Variants in PDE1C observed in about 807,000 individuals in gnomAD.
PDE1C encodes the protein dual specificity calcium/calmodulin-dependent 3',5'-cyclic nucleotide phosphodiesterase 1C.
PDE1C carries 62 observed loss-of-function variants against 93.1 expected under a neutral mutation model. That is an observed-to-expected ratio of 0.67 (90% confidence interval 0.54 to 0.82). The LOEUF is 0.82. Ranked by LOEUF, PDE1C falls within the 40% of genes least tolerant of loss-of-function variation. The pLI is 0.00. For synonymous variants in PDE1C, 325 were observed against 310.1 expected (o/e 1.05, Z -0.50); for missense variants, 742 against 884.6 (o/e 0.84, Z 2.04).
At chr7:32,402,414 G>C (rs910093348) in intron 1 of PDE1C, among the ~76,000 whole-genome samples, 2 of 152,060 alleles carry the variant, frequency 1.3e-5, no homozygotes, top group Non-Finnish European at 2.9e-5. Context: ...GTCCCAGTCT[G>C]AGTCTGAAGG....
At chr7:32,105,313 A>T (rs762289004) in intron 3 of PDE1C, among the ~76,000 whole-genome samples, 79 of 152,326 alleles carry the variant, frequency 5.2e-4, no homozygotes, top group Non-Finnish European at 9.0e-4. Flanking sequence ...TGACAAGCAA[A>T]GAGATGAGTA....
chr7:31,683,262 C>CAA, the PDE1C span, among the ~76,000 whole-genome samples: 2 of 152,136 alleles, frequency 1.3e-5, no homozygotes, highest in Admixed American at 1.3e-4. Flanking sequence ...AGGGATCTAT[C>CAA]TCTCTGTATT....
At chr7:32,081,723 T>G (rs191220396) in intron 3 of PDE1C, among the ~76,000 whole-genome samples, 72 of 152,334 alleles carry the variant, frequency 4.7e-4, no homozygotes, top group African/African-American at 1.7e-3. Flanking sequence ...TGCATGACCT[T>G]TTCAAACCCC....
intron 17 of PDE1C, among the ~76,000 whole-genome samples, chr7:31,760,205 A>C (rs1047575794): frequency 4.2e-4 from 64 of 152,340 alleles, no homozygotes; most frequent in Non-Finnish European, 7.8e-4. Flanking sequence ...ATCCCTGAGA[A>C]CAGCCAATAG....
At chr7:32,034,897 T>C (rs1016251379) in intron 2 of PDE1C, among the ~76,000 whole-genome samples, 2 of 152,150 alleles carry the variant, frequency 1.3e-5, no homozygotes, top group African/African-American at 4.8e-5. Context: ...GAGGAGTTAA[T>C]AAAAATTAAA....
In PDE1C at chr7:32,087,054, A is replaced by G. The variant is rs548548956; in HGVS notation, c.308+82731T>C. 2.6e-5 allele frequency among the ~76,000 whole-genome samples: 4 copies of G among 152,282 alleles called. No individual in the cohort carries two copies. The South Asian group carries it at 8.3e-4, about 32-fold the overall frequency. Reference sequence around the variant, plus strand: ...CTGCACAGCAAAAGAAACTACCATCAGAGTGAACAGGCAACCTACAAAATG... The same window carrying G: ...CTGCACAGCAAAAGAAACTACCATCGGAGTGAACAGGCAACCTACAAAATG... On this transcript the variant is annotated intron_variant, in intron 3 of 18. Coordinates refer to the PDE1C transcript ENST00000396193.
intron 1 of PDE1C, among the ~76,000 whole-genome samples, chr7:32,068,676 A>G (rs75870094): frequency 6.6e-6 from 1 of 152,340 alleles, no homozygotes; most frequent in East Asian, 1.9e-4. Context: ...TTTTCCACAC[A>G]AGTTCCCGCC....
At chr7:31,679,523 TAG>T in the PDE1C span, among the ~76,000 whole-genome samples, 2 of 152,218 alleles carry the variant, frequency 1.3e-5, no homozygotes, top group Admixed American at 6.5e-5. Context: ...CTTATGTTCA[TAG>T]AGAGTTAATG....
At chr7:32,393,913 C>T (rs995146681) in intron 1 of PDE1C, among the ~76,000 whole-genome samples, 1 of 152,154 alleles carries the variant, frequency 6.6e-6, no homozygotes, top group Non-Finnish European at 1.5e-5. Flanking sequence ...CTACCCTTAA[C>T]CATGTTTTAT....
rs1793374022 is a variant in PDE1C, at chr7:32,051,597, A to G, written c.102-17T>C. 1 of 1,612,404 alleles carries G rather than the reference A, an allele frequency of 6.2e-7. No individual in the cohort carries two copies. The highest frequency in any genetic ancestry group is 8.5e-7 in the Non-Finnish European group (1 of 1,178,540). ...TATTTCCTCCTGTAAGAAAAGGCAT[A>G]AACATATATCAGAAAAGGGTTGTGG... On this transcript the variant is annotated splice_polypyrimidine_tract_variant and intron_variant, in intron 1 of 17. Transcript: ENST00000396191.
the PDE1C span, among the ~76,000 whole-genome samples, chr7:31,633,860 A>C: frequency 6.6e-6 from 1 of 152,332 alleles, no homozygotes; most frequent in East Asian, 1.9e-4. Flanking sequence ...ACACAACTTT[A>C]TCACACTTGA....
intron 1 of PDE1C, among the ~76,000 whole-genome samples, chr7:32,343,774 A>T (rs189126377): frequency 6.6e-6 from 1 of 152,208 alleles, no homozygotes; most frequent in Admixed American, 6.5e-5. Flanking sequence ...ATTTCAAAGA[A>T]AACAGATGCA....
intron 2 of PDE1C, among the ~76,000 whole-genome samples, chr7:32,187,663 G>A (rs113801805): frequency 2.1e-3 from 326 of 152,192 alleles, no homozygotes; most frequent in African/African-American, 7.5e-3. Context: ...ACTGTTCAAT[G>A]GAACAGATGC....
At chr7:31,948,857 G>A (rs1398175314) in intron 2 of PDE1C, among the ~76,000 whole-genome samples, 1 of 152,184 alleles carries the variant, frequency 6.6e-6, no homozygotes, top group Non-Finnish European at 1.5e-5. Flanking sequence ...CTGGGGCACA[G>A]CAAAAAGAAA....
chr7:32,087,712 G>A (rs1797192101), intron 3 of PDE1C, among the ~76,000 whole-genome samples: 1 of 152,104 alleles, frequency 6.6e-6, no homozygotes, highest in South Asian at 2.1e-4. Flanking sequence ...GGACATGGAT[G>A]AAATTGGAAA....
At chr7:32,174,623 C>T (rs1802866954) in intron 2 of PDE1C, among the ~76,000 whole-genome samples, 2 of 152,174 alleles carry the variant, frequency 1.3e-5, no homozygotes, top group Admixed American at 6.5e-5. Context: ...GTCCAGAGAT[C>T]GGGTCAGAGG....
chr7:31,830,719 G>A (rs760915327), intron 11 of PDE1C, among the ~76,000 whole-genome samples: 17 of 152,016 alleles, frequency 1.1e-4, no homozygotes, highest in Non-Finnish European at 1.9e-4. Context: ...ATAACAGAAC[G>A]AGAGAAGGGA....
intron 3 of PDE1C, among the ~76,000 whole-genome samples, chr7:32,120,039 C>T (rs1269658102): frequency 1.3e-5 from 2 of 152,336 alleles, no homozygotes; most frequent in Non-Finnish European, 2.9e-5. Context: ...CCAGGTCACG[C>T]TTTTCCCCTG....
At chr7:32,226,838 C>T (rs1337984977) in intron 1 of PDE1C, among the ~76,000 whole-genome samples, 1 of 152,158 alleles carries the variant, frequency 6.6e-6, no homozygotes, top group African/African-American at 2.4e-5. Context: ...TACATCACCA[C>T]CAATGCTAGT....
Sources: gnomAD v4.1 joint callset for allele counts (sites outside exome capture counted in the v4.1 genomes callset) on GRCh38, gnomAD v4.1.1 for gene constraint, MANE v1.5 for transcripts, NCBI Gene and HGNC (gene_info 2026-07-23, HGNC 2026-07-21) for gene names.